Variants in SHC3 observed in about 807,000 individuals in gnomAD.
SHC3 encodes the protein SHC-transforming protein 3.
In SHC3, 15 loss-of-function variants were observed where a neutral mutation model predicts 60.4. The ratio of observed to expected loss-of-function variants is 0.25; its 90% CI spans 0.17 to 0.38. The LOEUF (loss-of-function observed/expected upper bound fraction) is 0.38, where lower values mean the gene tolerates loss of function less well. SHC3 is among the 10% of genes least tolerant of loss of function. The pLI, the probability that SHC3 is intolerant of heterozygous loss-of-function variation, is 1.00. For synonymous variants in SHC3, 294 were observed against 325.9 expected (o/e 0.90, Z 1.05); for missense variants, 677 against 786.1 (o/e 0.86, Z 1.66).
At chr9:89,121,036 A>C (rs1826085709) in intron 1 of SHC3, among the ~76,000 whole-genome samples, 2 of 152,110 alleles carry the variant, frequency 1.3e-5, no homozygotes, top group Admixed American at 6.5e-5. Flanking sequence ...TAACATACGT[A>C]TTTTTGCAAG....
At chr9:89,061,380 A>G (rs983940111) in intron 6 of SHC3, among the ~76,000 whole-genome samples, 1 of 152,210 alleles carries the variant, frequency 6.6e-6, no homozygotes, top group African/African-American at 2.4e-5. Context: ...GGGCCAAAGG[A>G]AACAGAAACT....
chr9:89,107,178 A>C (rs1825875308), intron 2 of SHC3, among the ~76,000 whole-genome samples: 3 of 152,092 alleles, frequency 2.0e-5, no homozygotes, highest in African/African-American at 7.2e-5. Flanking sequence ...TACACCTGCC[A>C]TATTGTTGAG....
chr9:89,162,929 C>T (rs1201200566), intron 1 of SHC3, among the ~76,000 whole-genome samples: 11 of 135,330 alleles, frequency 8.1e-5, no homozygotes, highest in South Asian at 5.2e-4. Flanking sequence ...AAAAAGTGGG[C>T]GAAGGACATG....
At chr9:89,029,587 A>T (rs1235157411) in intron 11 of SHC3, among the ~76,000 whole-genome samples, 1 of 152,156 alleles carries the variant, frequency 6.6e-6, no homozygotes, top group South Asian at 2.1e-4. Context: ...AAGATATAGG[A>T]TACAAGTCCA....
At chr9:89,069,138 T>C (rs1194786820) in intron 5 of SHC3, among the ~76,000 whole-genome samples, 7 of 152,124 alleles carry the variant, frequency 4.6e-5, no homozygotes, top group Non-Finnish European at 1.0e-4. Flanking sequence ...TGAAACCCTG[T>C]CTCTACTAAA....
intron 4 of SHC3, among the ~76,000 whole-genome samples, chr9:89,073,907 T>C (rs1175453870): frequency 2.0e-5 from 3 of 152,206 alleles, no homozygotes; most frequent in African/African-American, 7.2e-5. Context: ...TCTTGGACCA[T>C]GCCAGAGAAA....
At chr9:89,060,761 G>A (rs1587704174) in intron 6 of SHC3, among the ~76,000 whole-genome samples, 1 of 152,142 alleles carries the variant, frequency 6.6e-6, no homozygotes, top group Non-Finnish European at 1.5e-5. Flanking sequence ...AAACTTTAGA[G>A]TGGAAGAGCG....
At chr9:89,091,232 T>C (rs998995975) in intron 2 of SHC3, among the ~76,000 whole-genome samples, 2 of 152,162 alleles carry the variant, frequency 1.3e-5, no homozygotes, top group Non-Finnish European at 2.9e-5. Flanking sequence ...CAAGGAAGAA[T>C]AGCAAGGAGA....
rs976933511 is a variant in SHC3 at position 89,006,433 on chromosome 9, C to T, written c.*7014G>A. 6.6e-6 allele frequency: 1 copy of T among 152,194 alleles called. No individual in the cohort carries two copies. The highest frequency in any genetic ancestry group is 2.1e-4 in the South Asian group (1 of 4,832). 9.4% of individuals were successfully genotyped at this position (152,194 alleles called of 1,614,324 possible). A position where few individuals can be genotyped will look rare whatever the true frequency, so the allele number is the denominator to read the frequency against. On this transcript the variant is annotated 3_prime_UTR_variant, in exon 12 of 12. Transcript: ENST00000375835. ...GAACTTGAAATTCGTTTTGCATTTC[C>T]ACTCCTCAGGGATGTCAAAAAAGCC...
chr9:89,080,809 C>A (rs573612996), intron 2 of SHC3, among the ~76,000 whole-genome samples: 1 of 149,660 alleles, frequency 6.7e-6, no homozygotes, highest in African/African-American at 2.5e-5. Context: ...CTCTTTCACC[C>A]AGGCTGGACT....
intron 1 of SHC3, among the ~76,000 whole-genome samples, chr9:89,123,619 C>T (rs1050729210): frequency 2.0e-5 from 3 of 152,284 alleles, no homozygotes; most frequent in Admixed American, 6.5e-5. Context: ...ACTAGAACTG[C>T]GGGGAGTACC....
rs115241601 is a variant in SHC3, at chr9:89,137,507, T to A, written c.475-24881A>T. Among the ~76,000 whole-genome samples, 612 of 152,224 alleles carry A rather than the reference T, an allele frequency of 4.0e-3. 6 individuals carry two copies. Among genetic ancestry groups the A allele is most frequent in the African/African-American group, 0.014 (593 of 41,540 alleles). ...TGTGGCAGACAGACTTTGTGAAAAC[T>A]CAAGTTCATGATAAAAAAATTCCAA... is the stretch of plus-strand genomic sequence containing the variant. On this transcript the variant is annotated intron_variant, in intron 1 of 11. Coordinates refer to ENST00000375835, the MANE Select transcript of SHC3 (RefSeq NM_016848.6).
rs1197227158 is a variant in SHC3, at chr9:89,007,753, T to G, written c.*5694A>C. On this transcript the variant is annotated 3_prime_UTR_variant, in exon 12 of 12. Transcript: ENST00000375835. Reference sequence around the variant, plus strand: ...TTCTCACCTTTATTCTGCCTCCACCTTCTTCTTTCTTTGTCTTCCCCCACT... The same window carrying G: ...TTCTCACCTTTATTCTGCCTCCACCGTCTTCTTTCTTTGTCTTCCCCCACT... The G allele has an allele frequency of 6.6e-6, 1 of 152,448 alleles. No homozygotes were observed. The highest frequency in any genetic ancestry group is 1.5e-5 in the Non-Finnish European group (1 of 68,174). 9.4% of individuals were successfully genotyped at this position (152,448 alleles called of 1,614,324 possible).
rs527854560 is a variant in SHC3 at position 89,113,371 on chromosome 9, T to G, written c.475-745A>C. ...AGTTTGAAGATACAGATGTTTTAGATAAATGCCTTAGATTTAGCAGAAGGA... is the reference window on the plus strand; with the variant it reads ...AGTTTGAAGATACAGATGTTTTAGAGAAATGCCTTAGATTTAGCAGAAGGA... On this transcript the variant is annotated intron_variant, in intron 1 of 11. Transcript: ENST00000375835. Among the ~76,000 whole-genome samples the G allele has an allele frequency of 6.4e-4, 97 of 152,264 alleles. No individual in the cohort carries two copies. In the South Asian group the frequency reaches 0.012, roughly 20 times the overall value.
chr9:89,100,758 T>C (rs541989390), intron 2 of SHC3, among the ~76,000 whole-genome samples: 1 of 152,374 alleles, frequency 6.6e-6, no homozygotes, highest in South Asian at 2.1e-4. Context: ...TGTATCTGGC[T>C]TCTTTTACTT....
chr9:89,080,868 G>T (rs774459215), intron 2 of SHC3, among the ~76,000 whole-genome samples: 1 of 150,310 alleles, frequency 6.7e-6, no homozygotes, highest in Non-Finnish European at 1.5e-5. Context: ...CCGGGTTCAC[G>T]CCATTCTTCT....
intron 1 of SHC3, among the ~76,000 whole-genome samples, chr9:89,124,826 C>G (rs1042801828): frequency 4.6e-5 from 7 of 150,930 alleles, no homozygotes; most frequent in South Asian, 2.1e-4. Context: ...GCACATTCAG[C>G]ACATGTATCC....
chr9:89,134,053 G>C (rs977065578), intron 1 of SHC3, among the ~76,000 whole-genome samples: 15 of 152,042 alleles, frequency 9.9e-5, no homozygotes, highest in African/African-American at 3.6e-4. Context: ...CTCCACACCT[G>C]GCACATAATT....
intron 1 of SHC3, among the ~76,000 whole-genome samples, chr9:89,158,884 C>T (rs1326085374): frequency 1.3e-5 from 2 of 152,176 alleles, no homozygotes; most frequent in African/African-American, 2.4e-5. Context: ...GTGACATTTG[C>T]TTTGTTGGGT....
Sources: allele counts gnomAD v4.1 joint callset (sites outside exome capture counted in the v4.1 genomes callset), GRCh38; gene constraint gnomAD v4.1.1; transcripts MANE v1.5; gene names NCBI Gene and HGNC (gene_info 2026-07-23, HGNC 2026-07-21).